The following RBPMS2 variants were observed in gnomAD, a reference collection of about 807,000 sequenced individuals.
RBPMS2 encodes RNA-binding protein with multiple splicing 2.
In RBPMS2, 14 loss-of-function variants were observed where a neutral mutation model predicts 25.7. That is an observed-to-expected ratio of 0.55 (90% CI 0.36 to 0.85). The LOEUF is 0.85. Among genes scored for constraint, RBPMS2 ranks in the 40% least tolerant of loss-of-function variants. The pLI is 0.01. For synonymous variants in RBPMS2, 127 were observed against 115.6 expected (o/e 1.10, Z -0.63); for missense variants, 252 against 283.4 (o/e 0.89, Z 0.80).
chr15:64,766,684 C>T (rs1167177889), intron 1 of RBPMS2, among the ~76,000 whole-genome samples: 1 of 152,076 alleles, frequency 6.6e-6, no homozygotes, highest in African/African-American at 2.4e-5. Context: ...TGCCACCACA[C>T]CCGGCTAATT....
chr15:64,740,371 G>A lies in RBPMS2; in HGVS notation c.*637C>T, dbSNP rs1055591478. ...GAACGGGCAGAGAGGGCTTTCTTAC[G>A]ACTGTTGGCCCATCCGAGAAGGCAG... On this transcript the variant is annotated 3_prime_UTR_variant, in exon 8 of 8. Transcript: ENST00000300069. 8.5e-5 allele frequency: 13 copies of A among 152,296 alleles called. No individual in the cohort carries two copies. Among genetic ancestry groups the A allele is most frequent in the Admixed American group, 2.0e-4 (3 of 15,286 alleles). 9.4% of individuals were successfully genotyped at this position (152,296 alleles called of 1,614,324 possible). A position where few individuals can be genotyped will look rare whatever the true frequency, so the allele number is the denominator to read the frequency against.
At chr15:64,768,641 GA>G (rs879810121) in intron 1 of RBPMS2, among the ~76,000 whole-genome samples, 204 of 138,302 alleles carry the variant, frequency 1.5e-3, no homozygotes, top group Middle Eastern at 3.7e-3. Flanking sequence ...CTGTCTCGAG[GA>G]AAAAAAAAAA....
At chr15:64,765,226 C>CAAAAAAA (rs34231406) in intron 1 of RBPMS2, among the ~76,000 whole-genome samples, 1 of 50,910 alleles carries the variant, frequency 2.0e-5, no homozygotes, top group Non-Finnish European at 3.2e-5. Flanking sequence ...GACTCTGTCT[C>CAAAAAAA]AAAAAAAAAA....
intron 1 of RBPMS2, among the ~76,000 whole-genome samples, chr15:64,759,857 G>C (rs1477793144): frequency 6.6e-6 from 1 of 152,158 alleles, no homozygotes; most frequent in Non-Finnish European, 1.5e-5. Context: ...ATTTTTAGTA[G>C]AGATGGGGTT....
intron 1 of RBPMS2, among the ~76,000 whole-genome samples, chr15:64,760,466 A>G (rs950246216): frequency 1.3e-5 from 2 of 152,176 alleles, no homozygotes; most frequent in South Asian, 2.1e-4. Flanking sequence ...AGGCTCAGGG[A>G]TATTAAAGTC....
At chr15:64,746,863 C>T (rs576845941) in intron 6 of RBPMS2, among the ~76,000 whole-genome samples, 64 of 152,304 alleles carry the variant, frequency 4.2e-4, no homozygotes, top group Middle Eastern at 3.4e-3. Flanking sequence ...AAGCTGGGAT[C>T]AGAGGTGAGA....
chr15:64,746,588 G>A (rs1595785256), intron 6 of RBPMS2, among the ~76,000 whole-genome samples: 1 of 152,158 alleles, frequency 6.6e-6, no homozygotes, highest in East Asian at 1.9e-4. Context: ...TGGATGGGGT[G>A]GGAGAAAACT....
chr15:64,752,158 T>G (rs186115180), intron 1 of RBPMS2, among the ~76,000 whole-genome samples: 23 of 151,898 alleles, frequency 1.5e-4, no homozygotes, highest in African/African-American at 5.6e-4. Context: ...AACCAAAGCC[T>G]CCTCTAAAAA....
intron 1 of RBPMS2, among the ~76,000 whole-genome samples, chr15:64,772,763 C>G (rs4776617): frequency 0.87 from 132,412 of 152,148 alleles, 58,846 homozygotes; most frequent in East Asian, 0.96. Context: ...ACCATGTGCT[C>G]ATATGCCTTT....
chr15:64,768,843 G>A (rs1422360327), intron 1 of RBPMS2, among the ~76,000 whole-genome samples: 1 of 149,304 alleles, frequency 6.7e-6, no homozygotes, highest in Non-Finnish European at 1.5e-5. Context: ...GCTCATGTCT[G>A]TAATCCCAGC....
chr15:64,740,055 GCA>G lies in RBPMS2; in HGVS notation c.*951_*952del, dbSNP rs934670011. ...TGATATGCTCAAAACAAAAAACATT[GCA>G]CAGTGTTTCCTTCATTTCATTTTCT... On this transcript the variant is annotated 3_prime_UTR_variant, in exon 8 of 8. Transcript: ENST00000300069. 5.9e-5 allele frequency: 9 copies of G among 152,754 alleles called. No homozygotes were observed. The highest frequency in any genetic ancestry group is 2.1e-4 in the South Asian group (1 of 4,826). The allele number at this position is 152,754 out of a possible 1,614,324, so 9.5% of individuals were successfully genotyped here.
chr15:64,751,690 T>C (rs771523245), intron 1 of RBPMS2, 52 bp from the exon 2 acceptor site: 2 of 1,475,742 alleles, frequency 1.4e-6, no homozygotes, highest in African/African-American at 1.4e-5. Context: ...CGGACAGGGA[T>C]GACAACAGCG....
chr15:64,767,070 C>T (rs1380304084), intron 1 of RBPMS2, among the ~76,000 whole-genome samples: 1 of 152,098 alleles, frequency 6.6e-6, no homozygotes, highest in East Asian at 1.9e-4. Flanking sequence ...AGGCATAAGC[C>T]ACCGAGTTTT....
At chr15:64,766,221 G>A (rs1188636490) in intron 1 of RBPMS2, among the ~76,000 whole-genome samples, 2 of 152,314 alleles carry the variant, frequency 1.3e-5, no homozygotes, top group Admixed American at 6.5e-5. Flanking sequence ...TCAGTTGGCC[G>A]TGAGTTGACT....
chr15:64,755,727 C>T (rs1341532491), intron 1 of RBPMS2, among the ~76,000 whole-genome samples: 1 of 152,150 alleles, frequency 6.6e-6, no homozygotes, highest in Non-Finnish European at 1.5e-5. Flanking sequence ...GGGAAACTGG[C>T]AAACCAGGAG....
intron 6 of RBPMS2, among the ~76,000 whole-genome samples, chr15:64,743,165 C>A (rs776487210): frequency 1.4e-4 from 21 of 152,228 alleles, no homozygotes; most frequent in Admixed American, 2.6e-4. Context: ...GCTGGGTGTC[C>A]CGCAGGGCCG....
intron 1 of RBPMS2, among the ~76,000 whole-genome samples, chr15:64,759,089 C>T (rs914679226): frequency 6.6e-6 from 1 of 152,278 alleles, no homozygotes; most frequent in African/African-American, 2.4e-5. Flanking sequence ...CCTCACCCAT[C>T]CTGAGCCACC....
At chr15:64,746,428 C>T (rs1042235584) in intron 6 of RBPMS2, among the ~76,000 whole-genome samples, 16 of 152,322 alleles carry the variant, frequency 1.1e-4, no homozygotes, top group Middle Eastern at 3.4e-3. Flanking sequence ...TGCCATCACG[C>T]GACTCCATGC....
chr15:64,772,538 C>T (rs1327265468), intron 1 of RBPMS2, among the ~76,000 whole-genome samples: 2 of 152,334 alleles, frequency 1.3e-5, no homozygotes, highest in East Asian at 3.9e-4. Flanking sequence ...TCCAAACTCT[C>T]ATTATGGCTG....
Sources: allele counts gnomAD v4.1 joint callset (sites outside exome capture counted in the v4.1 genomes callset), GRCh38; gene constraint gnomAD v4.1.1; transcripts MANE v1.5; gene names NCBI Gene and HGNC (gene_info 2026-07-23, HGNC 2026-07-21).